The following KLHL9 variants were observed in gnomAD, a reference collection of about 807,000 sequenced individuals.
KLHL9 encodes kelch like family member 9.
A neutral mutation model predicts 42.3 loss-of-function variants in KLHL9; 27 were observed. The observed-to-expected ratio is 0.64, with a 90% CI of 0.47 to 0.88. The LOEUF is 0.88. Among genes scored for constraint, KLHL9 ranks in the 40% least tolerant of loss-of-function variants. KLHL9 has a pLI of 0.00. For missense variants in KLHL9, 629 were observed against 750.3 expected, an observed-to-expected ratio of 0.84 and a Z score of 1.89; for synonymous variants, 274 against 254.4, an observed-to-expected ratio of 1.08 and a Z score of -0.73.
rs564926340 is a variant in KLHL9 at position 21,332,809 on chromosome 9, T to G, written c.*197A>C. On this transcript the variant is annotated 3_prime_UTR_variant, in exon 1 of 1. Coordinates refer to ENST00000359039, the MANE Select transcript of KLHL9 (RefSeq NM_018847.4). ...ACATTTTTCTACGTCTTTTTTTCAT[T>G]TGTTAAAACAGCTATGTTAAATACA... 1.2e-4 allele frequency: 89 copies of G among 760,076 alleles called. 1 individual carries two copies. The African/African-American group carries it at 1.4e-3, about 12-fold the overall frequency. The allele number at this position is 760,076 out of a possible 1,614,324, so 47.1% of individuals were successfully genotyped here.
In KLHL9 at chr9:21,333,786, A is replaced by G. The variant is rs1232673217; in HGVS notation, c.1074T>C (p.Tyr358=). The change falls in exon 1 of 1, where the codon TAT becomes TAC. Residue 358 remains tyrosine, a synonymous_variant. Coordinates refer to ENST00000359039, the MANE Select transcript of KLHL9 (RefSeq NM_018847.4). The surrounding 1 kb of genome is among the most constrained non-coding windows in gnomAD (Gnocchi z 7.5). ...CAACAGCAGTTTTTCCTTTTGTATC[A>G]TAATTACTCTGACCACCAACTACAT... ...FLYVVGGQSN[Y]DTKGKTAVDT... The G allele has an allele frequency of 1.9e-6, 3 of 1,614,010 alleles. No individual in the cohort carries two copies. Among genetic ancestry groups the G allele is most frequent in the Admixed American group, 1.7e-5 (1 of 60,012 alleles).
Position 21,332,409 on chromosome 9 carries a change from T to G in KLHL9, c.*597A>C, listed in dbSNP as rs1301950242. On this transcript the variant is annotated 3_prime_UTR_variant, in exon 1 of 1. Coordinates refer to ENST00000359039, the MANE Select transcript of KLHL9 (RefSeq NM_018847.4). ...ATGTATGTATGTGTGCATGCATGTATGTTTGTATTATGTGTATTTTTTCCT... is the reference window on the plus strand; with the variant it reads ...ATGTATGTATGTGTGCATGCATGTAGGTTTGTATTATGTGTATTTTTTCCT... 6.5e-6 allele frequency: 1 copy of G among 154,458 alleles called. No homozygotes were observed. The highest frequency in any genetic ancestry group is 1.4e-5 in the Non-Finnish European group (1 of 69,500). The allele number at this position is 154,458 out of a possible 1,614,324, so 9.6% of individuals were successfully genotyped here.
rs1820167768 is a variant in KLHL9 at position 21,331,388 on chromosome 9, A to G, written c.*1618T>C. 6.6e-6 allele frequency: 1 copy of G among 152,606 alleles called. No individual in the cohort carries two copies. The highest frequency in any genetic ancestry group is 2.4e-5 in the African/African-American group (1 of 41,446). 9.5% of individuals were successfully genotyped at this position (152,606 alleles called of 1,614,324 possible). On this transcript the variant is annotated 3_prime_UTR_variant, in exon 1 of 1. Coordinates refer to ENST00000359039, the MANE Select transcript of KLHL9 (RefSeq NM_018847.4). Reference sequence around the variant, plus strand: ...TATGGGCAGTAAGGTTCAGACCCCTAGAAGCCAATTCATTTTGCCTTGGTT... The same window carrying G: ...TATGGGCAGTAAGGTTCAGACCCCTGGAAGCCAATTCATTTTGCCTTGGTT...
In KLHL9 at chr9:21,332,760, A is replaced by T; in HGVS notation, c.*246T>A. The T allele has an allele frequency of 1.9e-6, 1 of 515,388 alleles. No homozygotes were observed. The highest frequency in any genetic ancestry group is 3.3e-6 in the Non-Finnish European group (1 of 303,990). 31.9% of individuals were successfully genotyped at this position (515,388 alleles called of 1,614,324 possible). The stretch of plus-strand genomic sequence containing the variant: ...TTACCACAGTCATCTACAATTTTAT[A>T]TAACATCACAAAAAGACATCTAAAC... On this transcript the variant is annotated 3_prime_UTR_variant, in exon 1 of 1. Coordinates refer to ENST00000359039, the MANE Select transcript of KLHL9 (RefSeq NM_018847.4).
In KLHL9 at chr9:21,330,689, T is replaced by C. The variant is rs1468308151; in HGVS notation, c.*2317A>G. 1 of 152,114 alleles carries C rather than the reference T, an allele frequency of 6.6e-6. No homozygotes were observed. Among genetic ancestry groups the C allele is most frequent in the Non-Finnish European group, 1.5e-5 (1 of 68,026 alleles). 9.4% of individuals were successfully genotyped at this position (152,114 alleles called of 1,614,324 possible). On this transcript the variant is annotated 3_prime_UTR_variant, in exon 1 of 1. Coordinates refer to ENST00000359039, the MANE Select transcript of KLHL9 (RefSeq NM_018847.4). ...GAGGCAGGGCAGTATCACCTTGATA[T>C]GTCAGAATAAGCACTGAAATACTAC...
rs1209260997 is a variant in KLHL9 at position 21,334,737 on chromosome 9, A to C, written c.123T>G (p.Asp41Glu). 6.2e-7 allele frequency: 1 copy of C among 1,612,834 alleles called. No individual in the cohort carries two copies. The highest frequency in any genetic ancestry group is 1.3e-5 in the African/African-American group (1 of 74,834). Residue 41 changes from aspartate to glutamate, a missense_variant, in exon 1 of 1, where the codon GAT becomes GAG. Asp to Glu is a conservative substitution (Grantham distance 45). Coordinates refer to ENST00000359039, the MANE Select transcript of KLHL9 (RefSeq NM_018847.4). This position sits in a 1 kb window ranked among gnomAD's most constrained non-coding sequence, Gnocchi z 5.1. ...AAAGCAATCCTTCTATTCTAAGCTGATCAAAGCCTTGCAATACCACCGAAC... is the reference window on the plus strand; with the variant it reads ...AAAGCAATCCTTCTATTCTAAGCTGCTCAAAGCCTTGCAATACCACCGAAC... ...THSSVVLQGF[D>E]QLRIEGLLCD...
In KLHL9 at chr9:21,334,590, C is replaced by A. The variant is rs1251851125; in HGVS notation, c.270G>T (p.Leu90Phe). The change falls in exon 1 of 1, where the codon TTG (leucine) becomes TTT (phenylalanine). Residue 90 changes from leucine (L) to phenylalanine (F), a missense_variant. Leu to Phe is a conservative substitution (Grantham distance 22, BLOSUM62 0). This residue lies in a region of KLHL9 where 351 missense variants were observed against 363.1 expected (regional missense o/e 0.97). Coordinates refer to ENST00000359039, the MANE Select transcript of KLHL9 (RefSeq NM_018847.4). This position sits in a 1 kb window ranked among gnomAD's most constrained non-coding sequence, Gnocchi z 5.1. Reference protein sequence around the residue: ...MFTGGMKEQDLMCIKLHGVNK... With the variant: ...MFTGGMKEQDFMCIKLHGVNK... The stretch of plus-strand genomic sequence containing the variant: ...TCACCCCATGAAGCTTAATGCACAT[C>A]AAATCTTGTTCTTTCATTCCACCTG... 1.2e-6 allele frequency: 2 copies of A among 1,614,034 alleles called. No individual in the cohort carries two copies. Among genetic ancestry groups the A allele is most frequent in the Non-Finnish European group, 1.7e-6 (2 of 1,180,032 alleles).
Position 21,330,614 on chromosome 9 carries a change from T to C in KLHL9, c.*2392A>G, listed in dbSNP as rs1820151459. On this transcript the variant is annotated 3_prime_UTR_variant, in exon 1 of 1. Coordinates refer to ENST00000359039, the MANE Select transcript of KLHL9 (RefSeq NM_018847.4). ...GGAAGCACCAGGTTCAGACATAAGATGTAATAAAAAGTACTTTTTTTCAAT... is the reference window on the plus strand; with the variant it reads ...GGAAGCACCAGGTTCAGACATAAGACGTAATAAAAAGTACTTTTTTTCAAT... 1 of 152,136 alleles carries C rather than the reference T, an allele frequency of 6.6e-6. No individual in the cohort carries two copies. The highest frequency in any genetic ancestry group is 6.6e-5 in the Admixed American group (1 of 15,262). The allele number at this position is 152,136 out of a possible 1,614,324, so 9.4% of individuals were successfully genotyped here. A position where few individuals can be genotyped will look rare whatever the true frequency, so the allele number is the denominator to read the frequency against.
In KLHL9 at chr9:21,332,511, A is replaced by G. The variant is rs1051956965; in HGVS notation, c.*495T>C. On this transcript the variant is annotated 3_prime_UTR_variant, in exon 1 of 1. Coordinates refer to ENST00000359039, the MANE Select transcript of KLHL9 (RefSeq NM_018847.4). ...GTGCTATACTGTTTTTTCCTAGTTA[A>G]TATTTTTATTATTTCTGTCTACGTA... 1 of 162,418 alleles carries G rather than the reference A, an allele frequency of 6.2e-6. No individual in the cohort carries two copies. Among genetic ancestry groups the G allele is most frequent in the East Asian group, 1.8e-4 (1 of 5,618 alleles). 10.1% of individuals were successfully genotyped at this position (162,418 alleles called of 1,614,324 possible).
Position 21,334,447 on chromosome 9 carries a change from A to C in KLHL9, c.413T>G (p.Leu138Trp). 6.2e-7 allele frequency: 1 copy of C among 1,614,076 alleles called. No individual in the cohort carries two copies. Among genetic ancestry groups the C allele is most frequent in the Non-Finnish European group, 8.5e-7 (1 of 1,179,974 alleles). Residue 138 changes from leucine to tryptophan, a missense_variant, in exon 1 of 1, where the codon TTG (leucine) becomes TGG (tryptophan). Leu to Trp is a moderately conservative substitution (Grantham distance 61). Coordinates refer to ENST00000359039, the MANE Select transcript of KLHL9 (RefSeq NM_018847.4). This position sits in a 1 kb window ranked among gnomAD's most constrained non-coding sequence, Gnocchi z 5.1. Reference protein sequence around the residue: ...AASFLQILPVLDFCKVFLISG... With the variant: ...AASFLQILPVWDFCKVFLISG... ...TATAAGAAATACTTTACAGAAATCC[A>C]AAACGGGTAATATTTGTAAAAAGCT...
In KLHL9 at chr9:21,333,985, G is replaced by T; in HGVS notation, c.875C>A (p.Ala292Asp). ...MQPVMQSDRT[A>D]IRSDSTHLVT... ...CAAGTGAGTGGAGTCAGATCGAATG[G>T]CAGTTCTATCTGACTGCATCACTGG... The change falls in exon 1 of 1, where the codon GCC (alanine) becomes GAC (aspartate). Residue 292 changes from alanine (A) to aspartate (D), a missense_variant. Ala to Asp is a moderately radical substitution (Grantham distance 126). Coordinates refer to ENST00000359039, the MANE Select transcript of KLHL9 (RefSeq NM_018847.4). This position sits in a 1 kb window ranked among gnomAD's most constrained non-coding sequence, Gnocchi z 7.5. 2.5e-6 allele frequency: 4 copies of T among 1,614,116 alleles called. No homozygotes were observed. The highest frequency in any genetic ancestry group is 3.4e-6 in the Non-Finnish European group (4 of 1,180,016).
Position 21,335,169 on chromosome 9 carries a change from G to T in KLHL9, c.-310C>A, listed in dbSNP as rs942436258. 19 of 513,544 alleles carry T rather than the reference G, an allele frequency of 3.7e-5. No homozygotes were observed. Among genetic ancestry groups the T allele is most frequent in the Non-Finnish European group, 6.3e-5 (18 of 285,306 alleles). The allele number at this position is 513,544 out of a possible 1,614,324, so 31.8% of individuals were successfully genotyped here. A position where few individuals can be genotyped will look rare whatever the true frequency, so the allele number is the denominator to read the frequency against. ...CGCTCCTTCAGCAGTTCCGCTTCGG[G>T]CAAGGAAGAGGCGCCGCCACGTACT... On this transcript the variant is annotated 5_prime_UTR_variant, in exon 1 of 1. Coordinates refer to ENST00000359039, the MANE Select transcript of KLHL9 (RefSeq NM_018847.4).
rs907671497 is a variant in KLHL9 at position 21,330,284 on chromosome 9, G to A, written c.*2722C>T. ...ATTATAATAGTCTTAATAATGTTGT[G>A]CATGAAACAAGTCTTCACTGTGTTT... On this transcript the variant is annotated 3_prime_UTR_variant, in exon 1 of 1. Coordinates refer to ENST00000359039, the MANE Select transcript of KLHL9 (RefSeq NM_018847.4). 1 of 152,190 alleles carries A rather than the reference G, an allele frequency of 6.6e-6. No individual in the cohort carries two copies. Among genetic ancestry groups the A allele is most frequent in the Non-Finnish European group, 1.5e-5 (1 of 68,038 alleles). 9.4% of individuals were successfully genotyped at this position (152,190 alleles called of 1,614,324 possible).
rs940684318 is a variant in KLHL9 at position 21,331,057 on chromosome 9, T to C, written c.*1949A>G. On this transcript the variant is annotated 3_prime_UTR_variant, in exon 1 of 1. Transcript: ENST00000359039. The stretch of plus-strand genomic sequence containing the variant: ...ACATTTATTATATAAAGAGATCCTA[T>C]AACTTGATACGAAAAACAAAGCAAC... 2 of 152,568 alleles carry C rather than the reference T, an allele frequency of 1.3e-5. No individual in the cohort carries two copies. Among genetic ancestry groups the C allele is most frequent in the African/African-American group, 4.8e-5 (2 of 41,428 alleles). 9.5% of individuals were successfully genotyped at this position (152,568 alleles called of 1,614,324 possible). A position where few individuals can be genotyped will look rare whatever the true frequency, so the allele number is the denominator to read the frequency against.
rs1485972937 is a variant in KLHL9 at position 21,333,864 on chromosome 9, T to C, written c.996A>G (p.Pro332=). ...CATGCTGGTAACGGGGAGCATCCAT[T>C]GGGGCTAAAGATCTCCATTCTTGTG... The part of the protein sequence containing the change: ...ERAQEWRSLA[P]MDAPRYQHGI... The change falls in exon 1 of 1, where the codon CCA becomes CCG. Residue 332 remains proline (P), a synonymous_variant. Transcript: ENST00000359039. This position sits in a 1 kb window ranked among gnomAD's most constrained non-coding sequence, Gnocchi z 7.5. 1.2e-6 allele frequency: 2 copies of C among 1,613,876 alleles called. No individual in the cohort carries two copies. Among genetic ancestry groups the C allele is most frequent in the East Asian group, 2.2e-5 (1 of 44,896 alleles).
In KLHL9 at chr9:21,334,433, C is replaced by G; in HGVS notation, c.427G>C (p.Val143Leu). 1.9e-6 allele frequency: 3 copies of G among 1,614,044 alleles called. No individual in the cohort carries two copies. The highest frequency in any genetic ancestry group is 2.5e-6 in the Non-Finnish European group (3 of 1,179,990). Reference protein sequence around the residue: ...QILPVLDFCKVFLISGVSLDN... With the variant: ...QILPVLDFCKLFLISGVSLDN... ...AAAGAGACTCCTGATATAAGAAATA[C>G]TTTACAGAAATCCAAAACGGGTAAT... Residue 143 changes from valine (V) to leucine (L), a missense_variant, in exon 1 of 1, where the codon GTA becomes CTA. Around this residue, in one of 4 missense-constraint regions of KLHL9, gnomAD observed 351 missense variants for 363.1 expected, o/e 0.97. Coordinates refer to ENST00000359039, the MANE Select transcript of KLHL9 (RefSeq NM_018847.4). The surrounding 1 kb of genome is among the most constrained non-coding windows in gnomAD (Gnocchi z 5.1).
Position 21,333,172 on chromosome 9 carries a change from A to T in KLHL9, c.1688T>A (p.Ile563Asn). 5.0e-6 allele frequency: 8 copies of T among 1,614,098 alleles called. No individual in the cohort carries two copies. The highest frequency in any genetic ancestry group is 5.9e-6 in the Non-Finnish European group (7 of 1,180,000). ...YSWNNRCMVE[I>N]VQKYDPEKDE... is the part of the protein sequence containing the mutation. The stretch of plus-strand genomic sequence containing the variant: ...TTTTTCTGGGTCATATTTCTGGACA[A>T]TTTCTACCATACAACGATTATTCCA... Residue 563 changes from isoleucine to asparagine, a missense_variant, in exon 1 of 1, where the codon ATT becomes AAT. This residue lies in a region of KLHL9 where 61 missense variants were observed against 63.5 expected (regional missense o/e 0.96). Transcript: ENST00000359039. This position sits in a 1 kb window ranked among gnomAD's most constrained non-coding sequence, Gnocchi z 7.5.
At position 21,331,122 on chromosome 9, in the gene KLHL9, G is replaced by C. The variant is rs1820162019; in HGVS notation, c.*1884C>G. The C allele has an allele frequency of 6.6e-6, 1 of 152,536 alleles. No individual in the cohort carries two copies. Among genetic ancestry groups the C allele is most frequent in the Non-Finnish European group, 1.5e-5 (1 of 68,024 alleles). The allele number at this position is 152,536 out of a possible 1,614,324, so 9.4% of individuals were successfully genotyped here. ...GAAGGGCAAAAGGACAGGAACATCTGATCAAAGAAACACAGCTACCGATAG... is the reference window on the plus strand; with the variant it reads ...GAAGGGCAAAAGGACAGGAACATCTCATCAAAGAAACACAGCTACCGATAG... On this transcript the variant is annotated 3_prime_UTR_variant, in exon 1 of 1. Coordinates refer to ENST00000359039, the MANE Select transcript of KLHL9 (RefSeq NM_018847.4).
rs1176819906 is a variant in KLHL9 at position 21,331,142 on chromosome 9, C to G, written c.*1864G>C. The G allele has an allele frequency of 6.6e-6, 1 of 152,526 alleles. No homozygotes were observed. The highest frequency in any genetic ancestry group is 1.5e-5 in the Non-Finnish European group (1 of 68,020). The allele number at this position is 152,526 out of a possible 1,614,324, so 9.4% of individuals were successfully genotyped here. On this transcript the variant is annotated 3_prime_UTR_variant, in exon 1 of 1. Coordinates refer to ENST00000359039, the MANE Select transcript of KLHL9 (RefSeq NM_018847.4). ...CATCTGATCAAAGAAACACAGCTAC[C>G]GATAGCACACAAATATTCAACCTCA...
Sources: gnomAD v4.1 joint callset for allele counts on GRCh38, gnomAD v4.1.1 for gene constraint, gnomAD v4.1.1 regional missense constraint, Gnocchi (gnomAD v3.1) non-coding constraint, MANE v1.5 for transcripts, NCBI Gene and HGNC (gene_info 2026-07-23, HGNC 2026-07-21) for gene names.